BLNK: variants seen among roughly 807,000 people sequenced by gnomAD.
BLNK encodes B cell linker.
In BLNK, 29 loss-of-function variants were observed where a neutral mutation model predicts 73.5. That is an observed-to-expected ratio of 0.39 (90% CI 0.29 to 0.54). The LOEUF (loss-of-function observed/expected upper bound fraction) is 0.54, where lower values mean the gene tolerates loss of function less well. Among genes scored for constraint, BLNK ranks in the 20% least tolerant of loss-of-function variants. The pLI is 0.61. For missense variants in BLNK, 460 were observed against 562.8 expected (o/e 0.82, Z 1.85); for synonymous variants, 176 against 200.8 (o/e 0.88, Z 1.04).
At position 96,200,663 on chromosome 10, in the gene BLNK, G is replaced by A. The variant is rs1331625686; in HGVS notation, c.1011+319C>T. Among the ~76,000 whole-genome samples the A allele has an allele frequency of 5.9e-5, 9 of 152,180 alleles. No individual in the cohort carries two copies. Among genetic ancestry groups the A allele is most frequent in the African/African-American group, 9.7e-5 (4 of 41,442 alleles). On this transcript the variant is annotated intron_variant, in intron 14 of 16. Transcript: ENST00000224337. The surrounding 1 kb of genome is among the most constrained non-coding windows in gnomAD (Gnocchi z 4.3). ...CTTTATAAACTGTGCTGTCTTATAT[G>A]TGATTTAATATCATCAGCCTCTACA...
chr10:96,215,750 C>A (rs2084049963), intron 7 of BLNK: 1 of 198,198 alleles, frequency 5.0e-6, no homozygotes, highest in Non-Finnish European at 1.0e-5. Flanking sequence ...TGTATTGAAC[C>A]CCTTACTGGA....
Position 96,191,035 on chromosome 10 carries a change from C to T in BLNK, c.*938G>A, listed in dbSNP as rs1554893256. 6.6e-6 allele frequency among the ~76,000 whole-genome samples: 1 copy of T among 152,112 alleles called. No individual in the cohort carries two copies. Among genetic ancestry groups the T allele is most frequent in the African/African-American group, 2.4e-5 (1 of 41,412 alleles). ...ATGGGAGGGACCTGGTGGGAGGTAA[C>T]TGAATCACGCGGGCAGGTTTTCCCA... On this transcript the variant is annotated 3_prime_UTR_variant, in exon 17 of 17. Transcript: ENST00000224337.
At chr10:96,269,615 C>G (rs1197525034) in intron 1 of BLNK, among the ~76,000 whole-genome samples, 1 of 152,020 alleles carries the variant, frequency 6.6e-6, no homozygotes, top group Non-Finnish European at 1.5e-5. Flanking sequence ...TCCAGTGTCC[C>G]TCCCACTCCA....
chr10:96,234,804 A>C (rs1842638046), intron 3 of BLNK, among the ~76,000 whole-genome samples: 1 of 152,212 alleles, frequency 6.6e-6, no homozygotes, highest in Admixed American at 6.5e-5. Flanking sequence ...CATGGATCCA[A>C]GAAAGCCTCT....
At position 96,201,017 on chromosome 10, in the gene BLNK, G is replaced by A; in HGVS notation, c.976C>T (p.Pro326Ser). The change falls in exon 14 of 17, where the codon CCC becomes TCC. Residue 326 changes from proline (P) to serine (S), a missense_variant. Around this residue, in one of 3 missense-constraint regions of BLNK, gnomAD observed 233 missense variants for 232.1 expected, o/e 1.00. Transcript: ENST00000224337. ...ATAGTGGAATTAGATGAAAAGCTGG[G>A]TAGGGGCCCATCCACAGTTGGGTTT... Reference protein sequence around the residue: ...GGNPTVDGPLPSFSSNSTISE... With the variant: ...GGNPTVDGPLSSFSSNSTISE... 2 of 1,614,118 alleles carry A rather than the reference G, an allele frequency of 1.2e-6. No homozygotes were observed. Among genetic ancestry groups the A allele is most frequent in the Non-Finnish European group, 1.7e-6 (2 of 1,179,986 alleles).
intron 1 of BLNK, among the ~76,000 whole-genome samples, chr10:96,258,848 A>G (rs1843627960): frequency 6.6e-6 from 1 of 152,164 alleles, no homozygotes. Flanking sequence ...TATTATCCCC[A>G]TGTTTATATT....
At chr10:96,223,272 G>A (rs4917727) in intron 6 of BLNK, among the ~76,000 whole-genome samples, 69,904 of 151,904 alleles carry the variant, frequency 0.46, 16,360 homozygotes, top group South Asian at 0.52. Context: ...CAGGGGAGAA[G>A]GGACAAAAGA....
chr10:96,225,115 T>C lies in BLNK; in HGVS notation c.362-1126A>G, dbSNP rs587754918. 7.9e-5 allele frequency among the ~76,000 whole-genome samples: 12 copies of C among 152,356 alleles called. No individual in the cohort carries two copies. In the South Asian group the frequency reaches 2.3e-3, roughly 29 times the overall value. ...GTGTCTGCCTAATAAGTAGAACTTA[T>C]ATCACCTGTGCCATGTGAGAGAGGC... On this transcript the variant is annotated intron_variant, in intron 5 of 16. Transcript: ENST00000224337.
At chr10:96,249,323 G>A (rs1353287494) in intron 1 of BLNK, among the ~76,000 whole-genome samples, 1 of 152,246 alleles carries the variant, frequency 6.6e-6, no homozygotes, top group Non-Finnish European at 1.5e-5. Context: ...TAGAATGCCC[G>A]TGCGGTGGAA....
intron 5 of BLNK, among the ~76,000 whole-genome samples, chr10:96,224,578 G>A (rs995324235): frequency 7.9e-5 from 12 of 152,196 alleles, no homozygotes; most frequent in Non-Finnish European, 1.6e-4. Flanking sequence ...AAGGAGTCAG[G>A]CTCTAAGGCC....
At chr10:96,204,681 C>A in intron 11 of BLNK, 65 bp from the exon 12 acceptor site, 4 of 1,527,642 alleles carry the variant, frequency 2.6e-6, no homozygotes, top group African/African-American at 1.4e-5. Context: ...CAAAACCCAG[C>A]AACATCAGCT....
intron 16 of BLNK, 88 bp from the exon 17 acceptor site, chr10:96,192,180 TAGTAAA>T: frequency 6.4e-7 from 1 of 1,552,980 alleles, no homozygotes; most frequent in Non-Finnish European, 8.8e-7. Flanking sequence ...ATTCTCAAGT[TAGTAAA>T]AGTTATTACA....
rs781940051 is a variant in BLNK, at chr10:96,201,014, T to C, written c.979A>G (p.Ser327Gly). The C allele has an allele frequency of 4.3e-6, 7 of 1,614,054 alleles. No homozygotes were observed. In the African/African-American group the frequency reaches 8.0e-5, roughly 18 times the overall value. Residue 327 changes from serine to glycine, a missense_variant, in exon 14 of 17, where the codon AGC (serine) becomes GGC (glycine). By Grantham distance (56) the Ser-to-Gly change is moderately conservative. This residue lies in a region of BLNK where 233 missense variants were observed against 232.1 expected (regional missense o/e 1.00). Transcript: ENST00000224337. ...GNPTVDGPLP[S>G]FSSNSTISEQ... is the part of the protein sequence containing the mutation. ...GAAATAGTGGAATTAGATGAAAAGC[T>C]GGGTAGGGGCCCATCCACAGTTGGG...
intron 16 of BLNK, among the ~76,000 whole-genome samples, chr10:96,193,930 T>C (rs2083393394): frequency 6.6e-6 from 1 of 152,226 alleles, no homozygotes; most frequent in Admixed American, 6.5e-5. Flanking sequence ...CATAATCTTT[T>C]TATTATAGAT....
intron 8 of BLNK, among the ~76,000 whole-genome samples, chr10:96,213,457 G>C (rs1647514236): frequency 1.3e-5 from 2 of 152,264 alleles, no homozygotes; most frequent in Non-Finnish European, 2.9e-5. Flanking sequence ...GAGGGCTACA[G>C]AAACCAGAGG....
intron 1 of BLNK, among the ~76,000 whole-genome samples, chr10:96,260,876 C>CCCAG (rs1843726091): frequency 6.6e-6 from 1 of 151,276 alleles, no homozygotes; most frequent in Non-Finnish European, 1.5e-5. Flanking sequence ...CAGGGTCTCA[C>CCCAG]TCTGTCACCC....
chr10:96,202,240 A>AG (rs1256373289), intron 13 of BLNK, among the ~76,000 whole-genome samples: 2 of 152,132 alleles, frequency 1.3e-5, no homozygotes, highest in Non-Finnish European at 2.9e-5. Flanking sequence ...GGTTTTGAAC[A>AG]GGGGGGTAAC....
In BLNK at chr10:96,222,792, G is replaced by A. The variant is rs149373120; in HGVS notation, c.525+1034C>T. Among the ~76,000 whole-genome samples the A allele has an allele frequency of 2.8e-3, 425 of 152,132 alleles. 1 individual carries two copies. Among genetic ancestry groups the A allele is most frequent in the Non-Finnish European group, 3.6e-3 (246 of 68,036 alleles). ...TGCATCTGAGAAGAGGGAAGTGGAG[G>A]AGCAGAGAGAAAAGAAGGTGGAGGA... On this transcript the variant is annotated intron_variant, in intron 6 of 16. Transcript: ENST00000224337.
chr10:96,202,844 T>C (rs956039882), intron 13 of BLNK, among the ~76,000 whole-genome samples: 16 of 152,178 alleles, frequency 1.1e-4, no homozygotes, highest in Admixed American at 5.2e-4. Context: ...CTATTCTGTT[T>C]TCAACATGCG....
Sources: allele counts gnomAD v4.1 joint callset (sites outside exome capture counted in the v4.1 genomes callset), GRCh38; gene constraint gnomAD v4.1.1; regional missense constraint gnomAD v4.1.1; non-coding constraint Gnocchi (gnomAD v3.1); transcripts MANE v1.5; gene names NCBI Gene and HGNC (gene_info 2026-07-23, HGNC 2026-07-21).